The following PITPNC1 variants were observed in gnomAD, a reference collection of about 807,000 sequenced individuals.
PITPNC1 encodes the protein phosphatidylinositol transfer protein cytoplasmic 1.
PITPNC1 carries 18 observed loss-of-function variants against 44.7 expected under a neutral mutation model. The ratio of observed to expected loss-of-function variants is 0.40; its 90% CI spans 0.28 to 0.60. The LOEUF (loss-of-function observed/expected upper bound fraction) is 0.60. Among genes scored for constraint, PITPNC1 ranks in the 20% least tolerant of loss-of-function variants. The probability of loss-of-function intolerance (pLI) is 0.39; values close to 1 mark genes in which losing one functional copy is unlikely to be tolerated. For missense variants in PITPNC1, 290 were observed against 418.4 expected (o/e 0.69, Z 2.68); for synonymous variants, 141 against 149.6 (o/e 0.94, Z 0.42).
chr17:67,650,430 G>C, intron 6 of PITPNC1, among the ~76,000 whole-genome samples: 1 of 132,380 alleles, frequency 7.6e-6, no homozygotes. Flanking sequence ...CTGGGGGCTA[G>C]AAACCATAGG....
At chr17:67,637,845 T>G (rs979128404) in intron 6 of PITPNC1, 15 of 115,830 alleles carry the variant, frequency 1.3e-4, no homozygotes, top group African/African-American at 4.9e-4. Context: ...TAATGGACTC[T>G]GCAGGGCAGT....
At chr17:67,611,180 G>A (rs1487316466) in intron 5 of PITPNC1, 2 of 152,172 alleles carry the variant, frequency 1.3e-5, no homozygotes, top group Non-Finnish European at 2.9e-5. Flanking sequence ...AGGTCTGAGG[G>A]ATGCATAGAT....
chr17:67,674,884 C>T (rs763583883), intron 7 of PITPNC1, among the ~76,000 whole-genome samples: 6 of 151,904 alleles, frequency 3.9e-5, no homozygotes, highest in African/African-American at 7.3e-5. Context: ...TGGTGGCCCA[C>T]GCCTGTAGTC....
Position 67,582,345 on chromosome 17 carries a change from C to A in PITPNC1, c.366+4088C>A, listed in dbSNP as rs1237789404. 4.6e-5 allele frequency among the ~76,000 whole-genome samples: 7 copies of A among 152,112 alleles called. No individual in the cohort carries two copies. The South Asian group carries it at 1.4e-3, about 32-fold the overall frequency. On this transcript the variant is annotated intron_variant, in intron 5 of 8. Transcript: ENST00000581322. ...ACTATTTAATAAACTCAGTTCATTT[C>A]TTTGCACTTTCTGGGTGTACACTCT... is the stretch of plus-strand genomic sequence containing the variant.
chr17:67,387,818 T>C (rs949255528), intron 1 of PITPNC1, among the ~76,000 whole-genome samples: 1 of 152,254 alleles, frequency 6.6e-6, no homozygotes, highest in African/African-American at 2.4e-5. Flanking sequence ...GCCATCATTA[T>C]CTTTTCAACA....
chr17:67,551,906 G>A (rs780832628), intron 2 of PITPNC1, among the ~76,000 whole-genome samples: 10 of 152,072 alleles, frequency 6.6e-5, no homozygotes, highest in Non-Finnish European at 1.3e-4. Context: ...TAAACATTCC[G>A]TGATACCACT....
rs1038482239 is a variant in PITPNC1, at chr17:67,618,807, C to G, written c.367-13336C>G. Among the ~76,000 whole-genome samples the G allele has an allele frequency of 3.3e-5, 5 of 151,976 alleles. 1 individual carries two copies. The highest frequency in any genetic ancestry group is 3.3e-4 in the Admixed American group (5 of 15,242). On this transcript the variant is annotated intron_variant, in intron 5 of 8. Transcript: ENST00000581322. ...GGCGCGGTGGCTCATGCCTGTAATCCCAGCACTTTGGGAGGCCGAGACGGG... is the reference window on the plus strand; with the variant it reads ...GGCGCGGTGGCTCATGCCTGTAATCGCAGCACTTTGGGAGGCCGAGACGGG...
chr17:67,670,705 C>A (rs1456619276), intron 7 of PITPNC1, among the ~76,000 whole-genome samples: 9 of 133,954 alleles, frequency 6.7e-5, no homozygotes, highest in Admixed American at 2.5e-4. Flanking sequence ...GAGCCAAGAT[C>A]GTGCTGCTGC....
Position 67,508,277 on chromosome 17 carries a change from T to C in PITPNC1, c.49-24525T>C, listed in dbSNP as rs539633915. On this transcript the variant is annotated intron_variant, in intron 1 of 8. Coordinates refer to ENST00000581322, the MANE Select transcript of PITPNC1 (RefSeq NM_012417.4). The surrounding 1 kb of genome is among the most constrained non-coding windows in gnomAD (Gnocchi z 4.2). ...AGAAAGTAGAGAATAAAAGAATGGC[T>C]ACTCCATAAACAGAGCAGCCTGGAG... Among the ~76,000 whole-genome samples the C allele has an allele frequency of 6.6e-6, 1 of 152,342 alleles. No individual in the cohort carries two copies. Among genetic ancestry groups the C allele is most frequent in the South Asian group, 2.1e-4 (1 of 4,832 alleles).
chr17:67,484,271 AC>A (rs2039745520), intron 1 of PITPNC1, among the ~76,000 whole-genome samples: 1 of 152,040 alleles, frequency 6.6e-6, no homozygotes, highest in African/African-American at 2.4e-5. Flanking sequence ...TGTGCATAAG[AC>A]CCAGCTCAGA....
At chr17:67,442,146 C>A (rs1396060907) in intron 1 of PITPNC1, among the ~76,000 whole-genome samples, 1 of 142,128 alleles carries the variant, frequency 7.0e-6, no homozygotes, top group Non-Finnish European at 1.5e-5. Flanking sequence ...TCATTTATTG[C>A]TATGTTGATT....
At chr17:67,505,298 C>G (rs6504514) in intron 1 of PITPNC1, among the ~76,000 whole-genome samples, 152,248 of 152,326 alleles carry the variant, frequency 1, 76,086 homozygotes, top group Middle Eastern at 1. Context: ...ATCCATTATT[C>G]AAAGTGGGGC....
chr17:67,665,062 G>A (rs990213827), intron 6 of PITPNC1, among the ~76,000 whole-genome samples: 2 of 151,962 alleles, frequency 1.3e-5, no homozygotes, highest in Non-Finnish European at 2.9e-5. Flanking sequence ...GAACATCCAT[G>A]TACATGTTTT....
At position 67,381,360 on chromosome 17, in the gene PITPNC1, A is replaced by T. The variant is rs367981698; in HGVS notation, c.48+3158A>T. On this transcript the variant is annotated intron_variant, in intron 1 of 8. Transcript: ENST00000581322. ...AAAAAAAAAAAAGGGCTGGGATTAC[A>T]GGCATGAGCCACTGCGCCCGGCCTG... 2.7e-5 allele frequency among the ~76,000 whole-genome samples: 4 copies of T among 150,202 alleles called. No homozygotes were observed. The South Asian group carries it at 6.3e-4, about 24-fold the overall frequency.
At chr17:67,637,937 C>G (rs931304934) in intron 6 of PITPNC1, 1 of 152,034 alleles carries the variant, frequency 6.6e-6, no homozygotes, top group African/African-American at 2.4e-5. Flanking sequence ...GTCACACAGA[C>G]CACTGAGACC....
chr17:67,688,819 C>A (rs1287489962), intron 8 of PITPNC1, among the ~76,000 whole-genome samples: 1 of 152,206 alleles, frequency 6.6e-6, no homozygotes, highest in Non-Finnish European at 1.5e-5. Context: ...CACCAGATGG[C>A]TAAAAGATGC....
chr17:67,629,780 C>T (rs529511477), intron 5 of PITPNC1, among the ~76,000 whole-genome samples: 9 of 152,128 alleles, frequency 5.9e-5, no homozygotes, highest in Non-Finnish European at 1.0e-4. Flanking sequence ...TTCACTTGTC[C>T]CTCCCAAATG....
At chr17:67,531,847 T>G (rs548897221) in intron 1 of PITPNC1, among the ~76,000 whole-genome samples, 3 of 152,266 alleles carry the variant, frequency 2.0e-5, no homozygotes, top group African/African-American at 7.2e-5. Flanking sequence ...GTCCTGACTC[T>G]GAGCAGGGTT....
At chr17:67,488,125 T>C (rs2039808498) in intron 1 of PITPNC1, among the ~76,000 whole-genome samples, 1 of 152,176 alleles carries the variant, frequency 6.6e-6, no homozygotes, top group Non-Finnish European at 1.5e-5. Flanking sequence ...AGATGAAAGG[T>C]AAGTCCCTCT....
Sources: allele counts gnomAD v4.1 joint callset (sites outside exome capture counted in the v4.1 genomes callset), GRCh38; gene constraint gnomAD v4.1.1; non-coding constraint Gnocchi (gnomAD v3.1); transcripts MANE v1.5; gene names NCBI Gene and HGNC (gene_info 2026-07-23, HGNC 2026-07-21).